DMD: variants seen among roughly 807,000 people sequenced by gnomAD.
DMD encodes the protein mutant dystrophin.
DMD carries 63 observed loss-of-function variants against 330.1 expected under a neutral mutation model. The observed-to-expected ratio is 0.19, with a 90% CI of 0.16 to 0.24. The LOEUF is 0.24. DMD is among the 10% of genes least tolerant of loss of function. DMD has a pLI of 1.00. For missense variants in DMD, 3,344 were observed against 2,684.1 expected (o/e 1.25, Z -5.43); for synonymous variants, 1,223 against 959.8 (o/e 1.27, Z -5.07).
chrX:32,366,707 A>G (rs767095989), intron 34 of DMD, among the ~76,000 whole-genome samples: 11 of 111,853 alleles, frequency 9.8e-5, no homozygotes, highest in African/African-American at 3.6e-4. Context: ...CTGCCACGCC[A>G]TAAGGTCCTG....
At chrX:32,574,598 C>G (rs1046018031) in intron 13 of DMD, among the ~76,000 whole-genome samples, 1 of 111,627 alleles carries the variant, frequency 9.0e-6, no homozygotes, top group African/African-American at 3.3e-5. Context: ...TTATGATGCA[C>G]TTTATAGCCT....
chrX:33,211,640 A>T, upstream of DMD: 1 of 815,385 alleles, frequency 1.2e-6, no homozygotes, highest in Non-Finnish European at 1.6e-6. Context: ...TTGGTTTCCC[A>T]TAATAGGACT....
intron 2 of DMD, among the ~76,000 whole-genome samples, chrX:32,956,032 T>A (rs1175148970): frequency 3.6e-5 from 4 of 111,692 alleles, no homozygotes; most frequent in Middle Eastern, 4.7e-3. Flanking sequence ...GCTCTTTTTT[T>A]TGGTTCCATG....
At chrX:32,442,963 T>G (rs1293140184) in intron 27 of DMD, among the ~76,000 whole-genome samples, 2 of 110,931 alleles carry the variant, frequency 1.8e-5, no homozygotes, top group South Asian at 3.7e-4. Context: ...GTGTGTGGAT[T>G]TTTTTTAAAC....
chrX:31,173,698 CT>C (rs2040234490), intron 71 of DMD, 94 bp from the exon 72 acceptor site: 1 of 715,739 alleles, frequency 1.4e-6, no homozygotes, highest in Non-Finnish European at 2.1e-6. Flanking sequence ...GCCTAGAATG[CT>C]TTTATTCTAA....
chrX:31,951,530 T>A (rs987986149), intron 45 of DMD, among the ~76,000 whole-genome samples: 7 of 110,251 alleles, frequency 6.3e-5, no homozygotes, highest in Non-Finnish European at 1.3e-4. Context: ...ATTTTGTTTT[T>A]AACTATTTAT....
chrX:33,051,494 G>A (rs1043875143), intron 1 of DMD, among the ~76,000 whole-genome samples: 2 of 109,578 alleles, frequency 1.8e-5, no homozygotes, highest in African/African-American at 6.7e-5. Flanking sequence ...TTACAGGAGT[G>A]AGCCCCTGCG....
chrX:32,519,474 T>C (rs1456461668), intron 17 of DMD, among the ~76,000 whole-genome samples: 2 of 111,235 alleles, frequency 1.8e-5, no homozygotes, highest in Non-Finnish European at 3.8e-5. Flanking sequence ...CTATGGCTTG[T>C]TGTTATCTTA....
chrX:31,760,631 T>C lies in DMD; in HGVS notation c.7542+13329A>G, dbSNP rs1603461299. Among the ~76,000 whole-genome samples, 4 of 111,713 alleles carry C rather than the reference T, an allele frequency of 3.6e-5. No individual in the cohort carries two copies. In the South Asian group the frequency reaches 1.5e-3, roughly 42 times the overall value. On this transcript the variant is annotated intron_variant, in intron 51 of 78. Coordinates refer to ENST00000357033, the MANE Select transcript of DMD (RefSeq NM_004006.3). Reference sequence around the variant, plus strand: ...TCTAGGTTTGTGTAAGTACACTGTATGATGTTTGCACAACAAGATCAATCA... The same window carrying C: ...TCTAGGTTTGTGTAAGTACACTGTACGATGTTTGCACAACAAGATCAATCA...
intron 2 of DMD, among the ~76,000 whole-genome samples, chrX:32,956,300 A>C: frequency 8.9e-6 from 1 of 112,014 alleles, no homozygotes; most frequent in East Asian, 2.8e-4. Flanking sequence ...CTATCCATGA[A>C]CATGGAATGT....
intron 7 of DMD, among the ~76,000 whole-genome samples, chrX:32,768,523 G>A (rs1180964270): frequency 9.0e-6 from 1 of 111,615 alleles, no homozygotes; most frequent in African/African-American, 3.3e-5. Flanking sequence ...ATGTCATGAA[G>A]GGAACCAGCA....
intron 44 of DMD, among the ~76,000 whole-genome samples, chrX:31,975,456 CTG>C (rs1030498140): frequency 2.7e-5 from 3 of 111,787 alleles, no homozygotes; most frequent in African/African-American, 9.7e-5. Context: ...CATTTAAGGG[CTG>C]TGTTTTTCTC....
chrX:32,647,572 T>C (rs954678857), intron 9 of DMD, among the ~76,000 whole-genome samples: 1 of 111,636 alleles, frequency 9.0e-6, no homozygotes, highest in Non-Finnish European at 1.9e-5. Flanking sequence ...ATGCTGAAAT[T>C]GATGATATAG....
chrX:33,247,276 G>GT (rs1367009028), intron 1 of DMD, among the ~76,000 whole-genome samples: 1 of 111,340 alleles, frequency 9.0e-6, no homozygotes, highest in African/African-American at 3.3e-5. Context: ...GCATTACAAT[G>GT]TAACAGATAA....
chrX:32,916,534 G>T (rs1569542230), intron 2 of DMD, among the ~76,000 whole-genome samples: 1 of 111,278 alleles, frequency 9.0e-6, no homozygotes, highest in Non-Finnish European at 1.9e-5. Flanking sequence ...CCATAAATGA[G>T]TAAGAACATA....
intron 9 of DMD, among the ~76,000 whole-genome samples, chrX:32,656,910 T>A (rs2060615110): frequency 9.0e-6 from 1 of 111,619 alleles, no homozygotes; most frequent in Non-Finnish European, 1.9e-5. Context: ...CATAAAATAT[T>A]CATAGTTTCA....
At chrX:32,638,037 T>C (rs1569360023) in intron 11 of DMD, among the ~76,000 whole-genome samples, 1 of 111,246 alleles carries the variant, frequency 9.0e-6, no homozygotes, top group Non-Finnish European at 1.9e-5. Context: ...TGTCCACATT[T>C]AGCTGCATTA....
At chrX:32,151,229 A>AAAAT (rs1317136260) in intron 44 of DMD, among the ~76,000 whole-genome samples, 1 of 112,300 alleles carries the variant, frequency 8.9e-6, no homozygotes, top group Non-Finnish European at 1.9e-5. Flanking sequence ...GTAAGAAAAG[A>AAAAT]AAATAGTTTT....
chrX:32,544,467 G>A (rs745575863), intron 17 of DMD, among the ~76,000 whole-genome samples: 1 of 111,181 alleles, frequency 9.0e-6, no homozygotes, highest in African/African-American at 3.3e-5. Flanking sequence ...GGAATGAAAG[G>A]GAAATTGTAC....
Sources: gnomAD v4.1 joint callset for allele counts (sites outside exome capture counted in the v4.1 genomes callset) on GRCh38, gnomAD v4.1.1 for gene constraint, MANE v1.5 for transcripts, NCBI Gene and HGNC (gene_info 2026-07-23, HGNC 2026-07-21) for gene names.